The following PTGES3 variants were observed in gnomAD, a reference collection of about 807,000 sequenced individuals.
PTGES3 encodes the protein prostaglandin E synthase 3, also known as Hsp90 co-chaperone.
Under a neutral mutation model 29.9 loss-of-function variants are expected in PTGES3, and 5 were observed. The ratio of observed to expected loss-of-function variants is 0.17; its 90% CI spans 0.09 to 0.35. PTGES3 has a LOEUF of 0.35. Ranked by LOEUF, PTGES3 falls within the 10% of genes least tolerant of loss-of-function variation. PTGES3 has a pLI of 1.00. For synonymous variants in PTGES3, 49 were observed against 57.8 expected, an observed-to-expected ratio of 0.85 and a Z score of 0.69; for missense variants, 128 against 190.0, an observed-to-expected ratio of 0.67 and a Z score of 1.92.
At position 56,688,281 on chromosome 12, in the gene PTGES3, T is replaced by G. The variant is rs1033688579; in HGVS notation, c.-282A>C. 8 of 475,810 alleles carry G rather than the reference T, an allele frequency of 1.7e-5. No individual in the cohort carries two copies. Among genetic ancestry groups the G allele is most frequent in the Non-Finnish European group, 2.4e-5 (7 of 286,384 alleles). The allele number at this position is 475,810 out of a possible 1,614,324, so 29.5% of individuals were successfully genotyped here. A position where few individuals can be genotyped will look rare whatever the true frequency, so the allele number is the denominator to read the frequency against. On this transcript the variant is annotated 5_prime_UTR_variant, in exon 1 of 8. Coordinates refer to ENST00000262033, the MANE Select transcript of PTGES3 (RefSeq NM_006601.7). ...GTGCGTGCGTGCAAACGAGGGGTGG[T>G]GAGGCCGGGCGGCGGCTGGTGACGC...
chr12:56,673,725 G>A (rs573062642), intron 1 of PTGES3, among the ~76,000 whole-genome samples: 79 of 150,850 alleles, frequency 5.2e-4, no homozygotes, highest in African/African-American at 6.1e-4. Flanking sequence ...CCTGGGAGGC[G>A]GAGGTTGCAA....
intron 1 of PTGES3, among the ~76,000 whole-genome samples, chr12:56,682,050 T>A (rs934751759): frequency 6.6e-6 from 1 of 151,982 alleles, no homozygotes; most frequent in South Asian, 2.1e-4. Flanking sequence ...TTTCACCATG[T>A]TGGCCAGGCT....
chr12:56,680,840 G>C (rs1034524044), intron 1 of PTGES3, among the ~76,000 whole-genome samples: 1 of 149,868 alleles, frequency 6.7e-6, no homozygotes, highest in Non-Finnish European at 1.5e-5. Flanking sequence ...GTGCTGTGGC[G>C]TGATCTCAGC....
intron 1 of PTGES3, among the ~76,000 whole-genome samples, chr12:56,675,117 T>C (rs971078996): frequency 4.0e-5 from 6 of 149,270 alleles, no homozygotes; most frequent in African/African-American, 1.2e-4. Flanking sequence ...CTGGCCAATA[T>C]AGTAAAACCC....
intron 1 of PTGES3, among the ~76,000 whole-genome samples, chr12:56,676,231 C>CAA (rs149558664): frequency 0.075 from 9,209 of 122,550 alleles, 686 homozygotes; most frequent in African/African-American, 0.2. Flanking sequence ...GTCTCCCCCC[C>CAA]CAAAAAAAAA....
At chr12:56,664,944 G>T (rs1330279356) in intron 6 of PTGES3, 144 bp from the exon 7 acceptor site, 17 of 1,410,686 alleles carry the variant, frequency 1.2e-5, no homozygotes, top group Non-Finnish European at 1.6e-5. Context: ...TTTAGTCATT[G>T]GACTTGACTA....
At chr12:56,677,188 C>T (rs1353484326) in intron 1 of PTGES3, among the ~76,000 whole-genome samples, 1 of 149,914 alleles carries the variant, frequency 6.7e-6, no homozygotes, top group Non-Finnish European at 1.5e-5. Context: ...TGCAGTAAGC[C>T]AGATAGCGCC....
intron 1 of PTGES3, among the ~76,000 whole-genome samples, chr12:56,674,825 CAAAAAAAAAAAAAA>C (rs869222252): frequency 8.7e-4 from 14 of 16,112 alleles, no homozygotes; most frequent in African/African-American, 3.4e-3. Context: ...GACTCCATCT[CAAAAAAAAAAAAAA>C]AAAAAAAAAA....
intron 1 of PTGES3, among the ~76,000 whole-genome samples, chr12:56,685,706 T>C (rs536569159): frequency 6.7e-6 from 1 of 150,068 alleles, no homozygotes; most frequent in East Asian, 2.0e-4. Flanking sequence ...GGCATGAAAG[T>C]AGCATTTTTA....
chr12:56,667,042 C>A (rs1190546172), intron 5 of PTGES3, among the ~76,000 whole-genome samples: 1 of 152,180 alleles, frequency 6.6e-6, no homozygotes, highest in African/African-American at 2.4e-5. Flanking sequence ...GCCTCAGCTT[C>A]CTGAGTAGCT....
chr12:56,670,451 G>A, intron 4 of PTGES3, 87 bp from the exon 5 acceptor site: 1 of 964,780 alleles, frequency 1.0e-6, no homozygotes, highest in South Asian at 1.3e-5. Context: ...TTCTTCTAAA[G>A]AGACCAGGTC....
intron 1 of PTGES3, among the ~76,000 whole-genome samples, chr12:56,676,547 G>A (rs1952258472): frequency 6.6e-6 from 1 of 152,024 alleles, no homozygotes; most frequent in Non-Finnish European, 1.5e-5. Flanking sequence ...AAAGAAGAAT[G>A]CTTCAGGGTC....
intron 3 of PTGES3, among the ~76,000 whole-genome samples, chr12:56,672,466 C>T (rs1425999944): frequency 2.6e-5 from 4 of 152,086 alleles, no homozygotes; most frequent in Non-Finnish European, 1.5e-5. Context: ...TGTACTGCAG[C>T]AGTCTCAAAG....
At chr12:56,687,873 C>T in intron 1 of PTGES3, 125 bp downstream of exon 1, 2 of 1,559,672 alleles carry the variant, frequency 1.3e-6, no homozygotes, top group Middle Eastern at 1.7e-4. Context: ...CCTGGACCTC[C>T]CGCCCCCAGG....
intron 1 of PTGES3, among the ~76,000 whole-genome samples, chr12:56,682,721 G>GAAAAAGAAA (rs1952605282): frequency 8.7e-6 from 1 of 114,290 alleles, no homozygotes; most frequent in Non-Finnish European, 1.7e-5. Flanking sequence ...CCATTTAAAA[G>GAAAAAGAAA]AAAAAAAAAA....
intron 1 of PTGES3, 103 bp downstream of exon 1, chr12:56,687,895 G>A (rs1261233863): frequency 5.7e-6 from 9 of 1,592,720 alleles, no homozygotes; most frequent in South Asian, 1.1e-5. Context: ...AGGAACGACT[G>A]CCACCACCGA....
In PTGES3 at chr12:56,679,227, G is replaced by A. The variant is rs1174116434; in HGVS notation, c.3-6162C>T. On this transcript the variant is annotated intron_variant, in intron 1 of 7. Transcript: ENST00000262033. Reference sequence around the variant, plus strand: ...GAGTTCAAACCAACCATGCCAACATGGCAAAACCCTGTCTCTACTGAAGAT... The same window carrying A: ...GAGTTCAAACCAACCATGCCAACATAGCAAAACCCTGTCTCTACTGAAGAT... Among the ~76,000 whole-genome samples the A allele has an allele frequency of 7.2e-5, 11 of 152,186 alleles. No homozygotes were observed. In the East Asian group the frequency reaches 1.9e-3, roughly 27 times the overall value.
chr12:56,679,247 G>T (rs1422735939), intron 1 of PTGES3, among the ~76,000 whole-genome samples: 1 of 151,992 alleles, frequency 6.6e-6, no homozygotes, highest in South Asian at 2.1e-4. Flanking sequence ...TGTCTCTACT[G>T]AAGATACAAA....
chr12:56,687,393 G>A lies in PTGES3; in HGVS notation c.2+605C>T, dbSNP rs185468116. ...CCTCCCGTGTTTTCAAGAGACTGGA[G>A]TTAGGAGGCGGACTGGAAGTACCCA... is the stretch of plus-strand genomic sequence containing the variant. On this transcript the variant is annotated intron_variant, in intron 1 of 7. Coordinates refer to ENST00000262033, the MANE Select transcript of PTGES3 (RefSeq NM_006601.7). 9.1e-6 allele frequency: 9 copies of A among 987,686 alleles called. No individual in the cohort carries two copies. In the African/African-American group the frequency reaches 1.4e-4, roughly 15 times the overall value. The allele number at this position is 987,686 out of a possible 1,614,324, so 61.2% of individuals were successfully genotyped here. A position where few individuals can be genotyped will look rare whatever the true frequency, so the allele number is the denominator to read the frequency against.
Sources: allele counts gnomAD v4.1 joint callset (sites outside exome capture counted in the v4.1 genomes callset), GRCh38; gene constraint gnomAD v4.1.1; transcripts MANE v1.5; gene names NCBI Gene and HGNC (gene_info 2026-07-23, HGNC 2026-07-21).